The following RDX variants were observed in gnomAD, a reference collection of about 807,000 sequenced individuals.
The protein encoded by RDX is radixin.
Under a neutral mutation model 83.7 loss-of-function variants are expected in RDX, and 32 were observed. The ratio of observed to expected loss-of-function variants is 0.38; its 90% confidence interval spans 0.29 to 0.51. The LOEUF (loss-of-function observed/expected upper bound fraction) is 0.51, where lower values mean the gene tolerates loss of function less well. Among genes scored for constraint, RDX ranks in the 20% least tolerant of loss-of-function variants. The pLI, the probability that RDX is intolerant of heterozygous loss-of-function variation, is 0.87. For synonymous variants in RDX, 229 were observed against 222.7 expected, an observed-to-expected ratio of 1.03 and a Z score of -0.25; for missense variants, 600 against 689.9, an observed-to-expected ratio of 0.87 and a Z score of 1.46.
chr11:110,233,171 T>C, intron 13 of RDX, 66 bp downstream of exon 13: 1 of 1,592,278 alleles, frequency 6.3e-7, no homozygotes, highest in South Asian at 1.1e-5. Context: ...TTTAACTAAG[T>C]TTGTCTAAGA....
rs377557089 is a variant in RDX, at chr11:110,231,797, A to G, written c.*72T>C. ...TTGGCAAGGTGGGATGCATTCCATC[A>G]TATCTGCAAAGGCCTGCTTTTCTCT... On this transcript the variant is annotated 3_prime_UTR_variant, in exon 14 of 14. Transcript: ENST00000645495. 1.5e-5 allele frequency: 24 copies of G among 1,557,506 alleles called. No homozygotes were observed. Among genetic ancestry groups the G allele is most frequent in the Admixed American group, 3.3e-5 (2 of 59,902 alleles).
Position 110,274,708 on chromosome 11 carries a change from A to G in RDX, c.13-2089T>C, listed in dbSNP as rs935656959. ...AATAAATTCTTTAAAATTGCACTAT[A>G]CTAGTTTAATTTTTCACCATATGTT... On this transcript the variant is annotated intron_variant, in intron 2 of 13. Coordinates refer to ENST00000645495, the MANE Select transcript of RDX (RefSeq NM_002906.4). Among the ~76,000 whole-genome samples the G allele has an allele frequency of 8.5e-5, 13 of 152,198 alleles. 1 individual carries two copies. The East Asian group carries it at 2.5e-3, about 29-fold the overall frequency.
chr11:110,261,945 A>T lies in RDX; in HGVS notation c.467+2015T>A, dbSNP rs558633379. ...AAGCCAATTACTTCATCTGCTGCTCAACCAAACAGCAATCTGGCTTAACAC... is the reference window on the plus strand; with the variant it reads ...AAGCCAATTACTTCATCTGCTGCTCTACCAAACAGCAATCTGGCTTAACAC... On this transcript the variant is annotated intron_variant, in intron 5 of 13. Transcript: ENST00000645495. 4.6e-5 allele frequency among the ~76,000 whole-genome samples: 7 copies of T among 152,334 alleles called. No individual in the cohort carries two copies. In the East Asian group the frequency reaches 1.3e-3, roughly 29 times the overall value.
At chr11:110,275,443 A>G (rs1860473321) in intron 2 of RDX, among the ~76,000 whole-genome samples, 1 of 152,186 alleles carries the variant, frequency 6.6e-6, no homozygotes, top group Non-Finnish European at 1.5e-5. Flanking sequence ...ACTGTGGGAT[A>G]ATACATGGGT....
intron 2 of RDX, among the ~76,000 whole-genome samples, chr11:110,273,270 A>G (rs1282295518): frequency 6.6e-6 from 1 of 152,270 alleles, no homozygotes; most frequent in Non-Finnish European, 1.5e-5. Context: ...GTCTAACTCC[A>G]AATTCTTTGA....
At chr11:110,291,492 C>G (rs1158815708) in intron 1 of RDX, among the ~76,000 whole-genome samples, 1 of 152,186 alleles carries the variant, frequency 6.6e-6, no homozygotes, top group Non-Finnish European at 1.5e-5. Context: ...GCCAATGAGG[C>G]TCGAAAGACA....
chr11:110,273,055 T>G (rs1043702984), intron 2 of RDX: 1 of 456,224 alleles, frequency 2.2e-6, no homozygotes, highest in East Asian at 7.0e-5. Context: ...AGCAAGACTA[T>G]GAAAAATTTA....
At chr11:110,259,035 G>A (rs947442252) in intron 5 of RDX, among the ~76,000 whole-genome samples, 8 of 151,806 alleles carry the variant, frequency 5.3e-5, no homozygotes, top group African/African-American at 1.7e-4. Flanking sequence ...CGATGCTCTC[G>A]GCCTCCCGCG....
intron 15 of RDX, among the ~76,000 whole-genome samples, chr11:110,196,855 T>G (rs1863225319): frequency 6.6e-6 from 1 of 152,198 alleles, no homozygotes; most frequent in Non-Finnish European, 1.5e-5. Context: ...CCCAAGGCTG[T>G]AGGGGTCCTA....
chr11:110,267,791 T>TA lies in RDX; in HGVS notation c.97-2918dup, dbSNP rs34695261. 9.2e-3 allele frequency among the ~76,000 whole-genome samples: 1,308 copies of TA among 142,140 alleles called. 35 individuals are homozygous for TA. The highest frequency in any genetic ancestry group is 0.027 in the African/African-American group (1,035 of 38,266). 93.2% of individuals were successfully genotyped at this position (142,140 alleles called of 152,430 possible). A position where few individuals can be genotyped will look rare whatever the true frequency, so the allele number is the denominator to read the frequency against. ...GGCAATGTAGGGAGACCTTGTCTCT[T>TA]AAAAAAAAAAAAAAATTAGCTAAGT... On this transcript the variant is annotated intron_variant, in intron 3 of 13. Coordinates refer to ENST00000645495, the MANE Select transcript of RDX (RefSeq NM_002906.4).
chr11:110,226,120 C>A (rs189822739), downstream of RDX, among the ~76,000 whole-genome samples: 6 of 151,420 alleles, frequency 4.0e-5, no homozygotes, highest in Admixed American at 4.0e-4. Flanking sequence ...CAAACAATTC[C>A]ATTTCTGGGT....
intron 11 of RDX, among the ~76,000 whole-genome samples, chr11:110,237,105 A>G (rs1864884321): frequency 6.7e-6 from 1 of 149,788 alleles, no homozygotes; most frequent in South Asian, 2.1e-4. Flanking sequence ...GAACTATAAC[A>G]TATTATATAT....
chr11:110,215,064 A>G (rs1863991585), intron 14 of RDX, among the ~76,000 whole-genome samples: 1 of 148,294 alleles, frequency 6.7e-6, no homozygotes, highest in Non-Finnish European at 1.5e-5. Context: ...ATATATATAT[A>G]TATATAATGC....
At chr11:110,179,199 G>A (rs1332117320) in intron 15 of RDX, among the ~76,000 whole-genome samples, 2 of 152,188 alleles carry the variant, frequency 1.3e-5, no homozygotes, top group East Asian at 3.9e-4. Context: ...TTTGGAAGTA[G>A]GATCAAACTA....
chr11:110,294,973 CAACT>C (rs914935495), intron 1 of RDX, among the ~76,000 whole-genome samples: 5 of 151,918 alleles, frequency 3.3e-5, no homozygotes, highest in East Asian at 1.9e-4. Flanking sequence ...AATAATATAC[CAACT>C]GTTTATTAAA....
chr11:110,296,385 C>T (rs999437810), intron 1 of RDX, 82 bp downstream of exon 1: 2 of 151,694 alleles, frequency 1.3e-5, no homozygotes, highest in East Asian at 3.9e-4. Flanking sequence ...CAGCACGGGC[C>T]CCGCAACTTC....
Position 110,204,287 on chromosome 11 carries a change from T to C in RDX, c.1749-4609A>G, listed in dbSNP as rs949321002. 2.0e-5 allele frequency among the ~76,000 whole-genome samples: 3 copies of C among 150,460 alleles called. No individual in the cohort carries two copies. In the East Asian group the frequency reaches 5.8e-4, roughly 29 times the overall value. ...CAAAAAAAAAAAAAAATCAACTGCA[T>C]TCTCTACACCAGCCAGAAATAGTTT... On this transcript the variant is annotated intron_variant, in intron 14 of 15. Transcript: ENST00000528498.
chr11:110,186,874 T>C (rs759121683), intron 15 of RDX, among the ~76,000 whole-genome samples: 13 of 152,208 alleles, frequency 8.5e-5, no homozygotes, highest in Admixed American at 3.3e-4. Context: ...CCTGGCAGTG[T>C]AGCCATGCAG....
intron 5 of RDX, chr11:110,263,460 T>C (rs1404818390): frequency 3.9e-5 from 6 of 152,302 alleles, no homozygotes; most frequent in Admixed American, 6.6e-5. Context: ...AAAGAAGAGA[T>C]AGATCAACCT....
Sources: gnomAD v4.1 joint callset for allele counts (sites outside exome capture counted in the v4.1 genomes callset) on GRCh38, gnomAD v4.1.1 for gene constraint, MANE v1.5 for transcripts, NCBI Gene and HGNC (gene_info 2026-07-23, HGNC 2026-07-21) for gene names.